CFAP97: variants seen among roughly 807,000 people sequenced by gnomAD.
CFAP97 encodes cilia and flagella associated protein 97.
Under a neutral mutation model 43.1 loss-of-function variants are expected in CFAP97, and 36 were observed. That is an observed-to-expected ratio of 0.84 (90% confidence interval 0.64 to 1.10). CFAP97 has a LOEUF of 1.10. Ranked by LOEUF, CFAP97 falls within the 50% of genes least tolerant of loss-of-function variation. The probability of loss-of-function intolerance (pLI) is 0.00; values close to 1 mark genes in which losing one functional copy is unlikely to be tolerated. For missense variants in CFAP97, 657 were observed against 620.3 expected, an observed-to-expected ratio of 1.06 and a Z score of -0.63; for synonymous variants, 228 against 225.7, an observed-to-expected ratio of 1.01 and a Z score of -0.09.
At chr4:185,206,249 GTGTT>G (rs1228362232), upstream of CFAP97, among the ~76,000 whole-genome samples, 2 of 152,186 alleles carry the variant, frequency 1.3e-5, no homozygotes, top group African/African-American at 2.4e-5. Context: ...AAAAACTCAA[GTGTT>G]TGTTTATCAA....
chr4:185,196,654 A>G (rs1736559119), intron 1 of CFAP97, among the ~76,000 whole-genome samples: 1 of 152,192 alleles, frequency 6.6e-6, no homozygotes, highest in Non-Finnish European at 1.5e-5. Context: ...ATCAAAAGGT[A>G]ATGTACTATG....
intron 2 of CFAP97, among the ~76,000 whole-genome samples, chr4:185,186,529 C>T (rs1736011617): frequency 6.6e-6 from 1 of 152,106 alleles, no homozygotes; most frequent in Non-Finnish European, 1.5e-5. Flanking sequence ...CATTTTTGAA[C>T]ATTTTGCATA....
chr4:185,193,197 A>T (rs1362003944), intron 1 of CFAP97, among the ~76,000 whole-genome samples: 3 of 152,194 alleles, frequency 2.0e-5, no homozygotes, highest in African/African-American at 7.2e-5. Flanking sequence ...AATGAAACAG[A>T]GGATCAGTTT....
At chr4:185,165,265 C>T (rs181100033) in intron 3 of CFAP97, among the ~76,000 whole-genome samples, 1 of 152,026 alleles carries the variant, frequency 6.6e-6, no homozygotes, top group African/African-American at 2.4e-5. Context: ...CCAGCCTGGA[C>T]AACATGGCGA....
intron 1 of CFAP97, among the ~76,000 whole-genome samples, chr4:185,192,733 CTTTTTTTTTT>C (rs760026667): frequency 1.2e-5 from 1 of 81,412 alleles, no homozygotes; most frequent in Non-Finnish European, 2.2e-5. Context: ...AATTGACCTT[CTTTTTTTTTT>C]TTTTTTTTTT....
At position 185,191,035 on chromosome 4, in the gene CFAP97, G is replaced by A. The variant is rs1736227673; in HGVS notation, c.162C>T (p.Asn54=). The A allele has an allele frequency of 1.2e-6, 2 of 1,613,014 alleles. No individual in the cohort carries two copies. The highest frequency in any genetic ancestry group is 1.7e-6 in the Non-Finnish European group (2 of 1,179,510). ...AATTTTCTGTTGTTTGCATTCCAGT[G>A]TTCGAATTTACATTTTTTGTATCTT... The part of the protein sequence containing the change: ...IDKDTKNVNS[N]TGMQTTENYL... The change falls in exon 2 of 5, where the codon AAC becomes AAT. Residue 54 remains asparagine (N), a synonymous_variant. Coordinates refer to ENST00000458385, the MANE Select transcript of CFAP97 (RefSeq NM_020827.3).
chr4:185,169,946 T>A, intron 3 of CFAP97: 2 of 1,013,372 alleles, frequency 2.0e-6, no homozygotes, highest in Non-Finnish European at 2.4e-6. Flanking sequence ...ACAAAAGTAC[T>A]GTTAATCAAC....
At chr4:185,170,246 CG>C in intron 3 of CFAP97, 2 of 639,874 alleles carry the variant, frequency 3.1e-6, no homozygotes, top group Non-Finnish European at 5.6e-6. Flanking sequence ...CTTGGGAGGC[CG>C]AGGCAGGAGA....
In CFAP97 at chr4:185,202,905, GTAAGTGATT is replaced by G. The variant is rs1460055261; in HGVS notation, c.-17+984_-17+992del. On this transcript the variant is annotated intron_variant, in intron 1 of 4. Transcript: ENST00000458385. ...TTCTTTTGATAACATTTACTACGAG[GTAAGTGATT>G]CAATTTACCAGAGAATAAGAAAAAT... Among the ~76,000 whole-genome samples the G allele has an allele frequency of 3.3e-5, 5 of 151,954 alleles. No individual in the cohort carries two copies. The East Asian group carries it at 5.8e-4, about 18-fold the overall frequency.
chr4:185,172,443 T>C (rs1735338903), intron 3 of CFAP97, among the ~76,000 whole-genome samples: 1 of 152,216 alleles, frequency 6.6e-6, no homozygotes, highest in Non-Finnish European at 1.5e-5. Context: ...TACTTCTTTG[T>C]CTGGGATTAT....
upstream of CFAP97, chr4:185,204,258 G>A (rs1415292291): frequency 6.6e-6 from 1 of 152,230 alleles, no homozygotes; most frequent in Admixed American, 6.5e-5. Flanking sequence ...TGCCTAGGGC[G>A]GCGCGGGTAG....
intron 1 of CFAP97, among the ~76,000 whole-genome samples, chr4:185,201,536 A>T (rs931826154): frequency 2.0e-5 from 3 of 151,350 alleles, no homozygotes; most frequent in Non-Finnish European, 2.9e-5. Flanking sequence ...CTCCACCAGC[A>T]AAAAAAAATT....
intron 2 of CFAP97, among the ~76,000 whole-genome samples, chr4:185,177,758 C>A (rs933548750): frequency 1.1e-4 from 16 of 152,234 alleles, no homozygotes; most frequent in African/African-American, 3.6e-4. Context: ...TCGCTTGAAC[C>A]CAGCAGGCAG....
At chr4:185,205,311 G>A (rs1737140631), upstream of CFAP97, among the ~76,000 whole-genome samples, 1 of 152,100 alleles carries the variant, frequency 6.6e-6, no homozygotes, top group South Asian at 2.1e-4. Context: ...AAAATTAGCT[G>A]GGCGTGGTGA....
chr4:185,206,231 A>C (rs566931006), upstream of CFAP97, among the ~76,000 whole-genome samples: 58 of 152,362 alleles, frequency 3.8e-4, no homozygotes, highest in African/African-American at 1.3e-3. Context: ...GAATAGCCAA[A>C]AGGCGGAAAA....
At chr4:185,167,000 T>C (rs1735096797) in intron 3 of CFAP97, among the ~76,000 whole-genome samples, 1 of 152,224 alleles carries the variant, frequency 6.6e-6, no homozygotes, top group Non-Finnish European at 1.5e-5. Flanking sequence ...TTTTTTTTTT[T>C]AGCTCATCAG....
rs78493109 is a variant in CFAP97 at position 185,176,659 on chromosome 4, T to C, written c.1055-608A>G. ...ACAGACAATGCCTTTGTTATATCAA[T>C]TTTATCCTTCCCGACTGCAGTTTAA... On this transcript the variant is annotated intron_variant, in intron 2 of 4. Transcript: ENST00000458385. Among the ~76,000 whole-genome samples, 1,438 of 152,286 alleles carry C rather than the reference T, an allele frequency of 9.4e-3. 19 individuals are homozygous for C. The highest frequency in any genetic ancestry group is 0.032 in the African/African-American group (1,339 of 41,546).
At position 185,164,068 on chromosome 4, in the gene CFAP97, T is replaced by G; in HGVS notation, c.1432A>C (p.Arg478=). The G allele has an allele frequency of 6.2e-7, 1 of 1,614,042 alleles. No homozygotes were observed. The highest frequency in any genetic ancestry group is 8.5e-7 in the Non-Finnish European group (1 of 1,179,888). ...MGYLNSSPLS[R]RARSTLGQYS... ...TGGCCAAGAGTGGATCTGGCCCGTC[T>G]TGACAATGGTGATGAGTTGAGATAG... The change falls in exon 4 of 5, where the codon AGA becomes CGA. Residue 478 remains arginine, a synonymous_variant. Transcript: ENST00000458385.
chr4:185,182,088 G>A (rs1186568152), intron 2 of CFAP97: 2 of 151,864 alleles, frequency 1.3e-5, no homozygotes, highest in African/African-American at 4.8e-5. Context: ...AGATTTTGAG[G>A]CCATGTATTT....
Sources: gnomAD v4.1 joint callset for allele counts (sites outside exome capture counted in the v4.1 genomes callset) on GRCh38, gnomAD v4.1.1 for gene constraint, MANE v1.5 for transcripts, NCBI Gene and HGNC (gene_info 2026-07-23, HGNC 2026-07-21) for gene names.